FAF1: variants seen among roughly 807,000 people sequenced by gnomAD.
FAF1 encodes FAS-associated factor 1.
In FAF1, 25 loss-of-function variants were observed where a neutral mutation model predicts 92.5. The ratio of observed to expected loss-of-function variants is 0.27; its 90% confidence interval spans 0.20 to 0.38. The LOEUF (loss-of-function observed/expected upper bound fraction) is 0.38. Ranked by LOEUF, FAF1 falls within the 10% of genes least tolerant of loss-of-function variation. The probability of loss-of-function intolerance (pLI) is 1.00; values close to 1 mark genes in which losing one functional copy is unlikely to be tolerated. For missense variants in FAF1, 636 were observed against 793.3 expected (o/e 0.80, Z 2.38); for synonymous variants, 234 against 273.2 (o/e 0.86, Z 1.42).
chr1:50,651,405 AT>A (rs1273340444), intron 8 of FAF1, among the ~76,000 whole-genome samples: 1 of 152,148 alleles, frequency 6.6e-6, no homozygotes, highest in Non-Finnish European at 1.5e-5. Flanking sequence ...TTTTTAGAAC[AT>A]TTTCATCACC....
intron 2 of FAF1, among the ~76,000 whole-genome samples, chr1:50,814,969 A>G (rs1245395221): frequency 6.6e-6 from 1 of 152,232 alleles, no homozygotes; most frequent in Non-Finnish European, 1.5e-5. Context: ...ACAATATGAC[A>G]TTTCCTCAAA....
In FAF1 at chr1:50,888,264, A is replaced by C. The variant is rs533177565; in HGVS notation, c.46-30267T>G. Among the ~76,000 whole-genome samples, 158 of 152,310 alleles carry C rather than the reference A, an allele frequency of 1.0e-3. 3 individuals carry two copies. In the South Asian group the frequency reaches 0.032, roughly 30 times the overall value. ...TTTGCTGAAGTTGCTTATCACCTTA[A>C]GGAGATTTTGGGCTGAGACGATGGG... On this transcript the variant is annotated intron_variant, in intron 1 of 18. Coordinates refer to ENST00000396153, the MANE Select transcript of FAF1 (RefSeq NM_007051.3).
intron 1 of FAF1, among the ~76,000 whole-genome samples, chr1:50,942,930 G>C (rs1234190015): frequency 6.6e-6 from 1 of 152,146 alleles, no homozygotes; most frequent in African/African-American, 2.4e-5. Flanking sequence ...TGTGGAGGGA[G>C]AAAGTATCTT....
chr1:50,762,477 G>A (rs1048087829), intron 4 of FAF1, among the ~76,000 whole-genome samples: 2 of 151,328 alleles, frequency 1.3e-5, no homozygotes, highest in Non-Finnish European at 3.0e-5. Context: ...GCATGGTACT[G>A]GTACCAAAAC....
rs1644800343 is a variant in FAF1, at chr1:50,901,945, A to T, written c.46-43948T>A. Among the ~76,000 whole-genome samples, 3 of 152,242 alleles carry T rather than the reference A, an allele frequency of 2.0e-5. No individual in the cohort carries two copies. In the South Asian group the frequency reaches 6.2e-4, roughly 31 times the overall value. ...GTACTATAAGCAGATCTTTTAGAAC[A>T]GCTCTTCAAGCATCTTTGCACACTG... On this transcript the variant is annotated intron_variant, in intron 1 of 18. Coordinates refer to ENST00000396153, the MANE Select transcript of FAF1 (RefSeq NM_007051.3).
chr1:50,811,388 T>C (rs949514875), intron 2 of FAF1, among the ~76,000 whole-genome samples: 1 of 151,926 alleles, frequency 6.6e-6, no homozygotes, highest in Non-Finnish European at 1.5e-5. Context: ...TATACAAAAA[T>C]TAGTAGCATT....
At chr1:50,578,667 A>T (rs1650859480) in intron 12 of FAF1, among the ~76,000 whole-genome samples, 1 of 152,178 alleles carries the variant, frequency 6.6e-6, no homozygotes, top group South Asian at 2.1e-4. Context: ...AGGATTATAT[A>T]TCCCTATTTC....
At chr1:50,452,157 A>G in intron 18 of FAF1, 1 of 1,349,016 alleles carries the variant, frequency 7.4e-7, no homozygotes, top group South Asian at 1.2e-5. Flanking sequence ...AAAGAACGAG[A>G]ACAGGCATGT....
intron 8 of FAF1, among the ~76,000 whole-genome samples, chr1:50,617,900 C>T (rs922760002): frequency 8.6e-5 from 13 of 151,928 alleles, no homozygotes; most frequent in African/African-American, 3.1e-4. Flanking sequence ...TTGTGTGTTT[C>T]CAGGAATTTC....
chr1:50,759,480 C>G (rs1053321446), intron 4 of FAF1, among the ~76,000 whole-genome samples: 3 of 151,894 alleles, frequency 2.0e-5, no homozygotes, highest in African/African-American at 7.3e-5. Flanking sequence ...AGGACATGAA[C>G]TCATCATTTT....
At chr1:50,741,913 T>A (rs890833325) in intron 5 of FAF1, among the ~76,000 whole-genome samples, 1 of 152,188 alleles carries the variant, frequency 6.6e-6, no homozygotes, top group East Asian at 1.9e-4. Context: ...AGTTTGGATA[T>A]GTGAATTCAA....
intron 15 of FAF1, among the ~76,000 whole-genome samples, chr1:50,525,500 G>A (rs1384228466): frequency 6.6e-6 from 1 of 152,180 alleles, no homozygotes; most frequent in African/African-American, 2.4e-5. Context: ...CATGCCATCT[G>A]CAAATAGAGA....
intron 18 of FAF1, among the ~76,000 whole-genome samples, chr1:50,456,648 G>A (rs778545010): frequency 5.3e-5 from 8 of 152,108 alleles, no homozygotes; most frequent in African/African-American, 1.7e-4. Flanking sequence ...AAGTATTTTC[G>A]GAGTGTTTAC....
chr1:50,707,954 C>T (rs946679336), intron 6 of FAF1, among the ~76,000 whole-genome samples: 2 of 152,056 alleles, frequency 1.3e-5, no homozygotes, highest in African/African-American at 4.8e-5. Context: ...TAAGGAGCTG[C>T]GTGCGCCACC....
At chr1:50,692,247 G>GTGTGC (rs1398489970) in intron 7 of FAF1, among the ~76,000 whole-genome samples, 2 of 96,116 alleles carry the variant, frequency 2.1e-5, no homozygotes, top group African/African-American at 1.1e-4. Flanking sequence ...TTTACTGTGT[G>GTGTGC]TGTGTGTGTG....
intron 6 of FAF1, among the ~76,000 whole-genome samples, chr1:50,730,955 T>C (rs1658890152): frequency 6.6e-6 from 1 of 152,226 alleles, no homozygotes; most frequent in South Asian, 2.1e-4. Context: ...AGTAAAAATA[T>C]CTCTGAACTT....
chr1:50,715,195 A>G (rs1658121002), intron 6 of FAF1, among the ~76,000 whole-genome samples: 1 of 152,268 alleles, frequency 6.6e-6, no homozygotes, highest in Admixed American at 6.5e-5. Flanking sequence ...TATTTGCAAC[A>G]AAATAAAATG....
intron 13 of FAF1, among the ~76,000 whole-genome samples, chr1:50,546,915 A>C (rs1201726658): frequency 3.9e-5 from 6 of 152,054 alleles, no homozygotes; most frequent in African/African-American, 1.4e-4. Flanking sequence ...ATTTTATATG[A>C]GTCTTCTGTT....
At chr1:50,499,270 T>C (rs983689173) in intron 15 of FAF1, among the ~76,000 whole-genome samples, 1 of 151,890 alleles carries the variant, frequency 6.6e-6, no homozygotes, top group Non-Finnish European at 1.5e-5. Flanking sequence ...CAATGGTGAA[T>C]AGAAGTGATA....
Sources: gnomAD v4.1 joint callset for allele counts (sites outside exome capture counted in the v4.1 genomes callset) on GRCh38, gnomAD v4.1.1 for gene constraint, MANE v1.5 for transcripts, NCBI Gene and HGNC (gene_info 2026-07-23, HGNC 2026-07-21) for gene names.